The following TFR2 variants were observed in gnomAD, a reference collection of about 807,000 sequenced individuals.
The protein encoded by TFR2 is transferrin receptor protein 2.
A neutral mutation model predicts 91.9 loss-of-function variants in TFR2; 64 were observed. The ratio of observed to expected loss-of-function variants is 0.70; its 90% CI spans 0.57 to 0.86. The LOEUF is 0.86. TFR2 is among the 40% of genes least tolerant of loss of function. The probability of loss-of-function intolerance (pLI) is 0.00; values close to 1 mark genes in which losing one functional copy is unlikely to be tolerated. For synonymous variants in TFR2, 454 were observed against 459.6 expected (o/e 0.99, Z 0.15); for missense variants, 950 against 1,080.5 (o/e 0.88, Z 1.69).
chr7:100,636,680 T>C (rs1803576833), intron 3 of TFR2, among the ~76,000 whole-genome samples: 1 of 152,034 alleles, frequency 6.6e-6, no homozygotes, highest in Non-Finnish European at 1.5e-5. Context: ...CCCCCAGTTA[T>C]CCTCGCTGTA....
At chr7:100,637,990 C>T (rs552849219) in intron 3 of TFR2, among the ~76,000 whole-genome samples, 34 of 151,870 alleles carry the variant, frequency 2.2e-4, no homozygotes, top group African/African-American at 8.0e-4. Context: ...CGCCACTACG[C>T]CCGGCTAATT....
At position 100,633,396 on chromosome 7, in the gene TFR2, C is replaced by T. The variant is rs374165682; in HGVS notation, c.614+20G>A. On this transcript the variant is annotated intron_variant, in intron 4 of 17. Coordinates refer to ENST00000223051, the MANE Select transcript of TFR2 (RefSeq NM_003227.4). ...CCGCGTCCCCCTCCCCGCGCGCCCC[C>T]CGCCCGCGCGCGCACTCACGGATCC... 1.7e-5 allele frequency: 28 copies of T among 1,605,840 alleles called. No individual in the cohort carries two copies. The highest frequency in any genetic ancestry group is 1.3e-4 in the East Asian group (6 of 44,586).
chr7:100,640,691 G>A lies in TFR2; in HGVS notation c.468C>T (p.Thr156=). The A allele has an allele frequency of 6.2e-7, 1 of 1,612,528 alleles. No homozygotes were observed. The highest frequency in any genetic ancestry group is 8.5e-7 in the Non-Finnish European group (1 of 1,179,740). Residue 156 remains threonine (T), a synonymous_variant, in exon 3 of 18, where the codon ACC becomes ACT. Coordinates refer to ENST00000223051, the MANE Select transcript of TFR2 (RefSeq NM_003227.4). Reference sequence around the variant, plus strand: ...TGGGGCAGGGCCATCCCTACCTGATGGTGTCCTCCAGGCGCCCCTCCCCCA... The same window carrying A: ...TGGGGCAGGGCCATCCCTACCTGATAGTGTCCTCCAGGCGCCCCTCCCCCA... ...QFLGEGRLED[T]IRQTSLRERV...
In TFR2 at chr7:100,636,825, C is replaced by T. The variant is rs537229679; in HGVS notation, c.474-3269G>A. Among the ~76,000 whole-genome samples the T allele has an allele frequency of 2.6e-5, 4 of 152,040 alleles. 1 individual carries two copies. In the South Asian group the frequency reaches 8.3e-4, roughly 32 times the overall value. ...TGTTGCCCAGGCTGGAATGCAATGG[C>T]GCGATCTCGGCTCACTGCAACATCC... On this transcript the variant is annotated intron_variant, in intron 3 of 17. Transcript: ENST00000223051.
At chr7:100,632,825 C>A (rs1276888804) in intron 6 of TFR2, 176 bp downstream of exon 6, 34 of 1,017,240 alleles carry the variant, frequency 3.3e-5, no homozygotes, top group Non-Finnish European at 4.8e-5. Flanking sequence ...CCTGTCTTGG[C>A]CTCCTAAAGT....
rs1262813273 is a variant in TFR2, at chr7:100,631,948, G to T, written c.967-3C>A. The T allele has an allele frequency of 1.9e-6, 3 of 1,613,908 alleles. No individual in the cohort carries two copies. The highest frequency in any genetic ancestry group is 3.3e-5 in the Admixed American group (2 of 59,976). On this transcript the variant is annotated splice_region_variant and splice_polypyrimidine_tract_variant and intron_variant, in intron 7 of 17. Transcript: ENST00000223051. ...GGGTCTCCAGTTCCCAGGTGCACCT[G>T]CAGGGAAAGGGGTGCCCACGCAAAG...
At chr7:100,633,826 G>A (rs41303459) in intron 3 of TFR2, among the ~76,000 whole-genome samples, 314 of 145,430 alleles carry the variant, frequency 2.2e-3, no homozygotes, top group East Asian at 0.017. Flanking sequence ...TTCCTGCCTC[G>A]GCCTCCCTCG....
intron 3 of TFR2, among the ~76,000 whole-genome samples, chr7:100,637,121 C>T (rs73156234): frequency 0.17 from 25,632 of 151,984 alleles, 2,433 homozygotes; most frequent in Non-Finnish European, 0.21. Flanking sequence ...CATAAATTGC[C>T]GGGCGCAGTG....
Position 100,632,181 on chromosome 7 carries a change from G to A in TFR2, c.867C>T (p.Asp289=), listed in dbSNP as rs1303532409. The change falls in exon 7 of 18, where the codon GAC becomes GAT. Residue 289 remains aspartate (D), a synonymous_variant. Coordinates refer to ENST00000223051, the MANE Select transcript of TFR2 (RefSeq NM_003227.4). Reference sequence around the variant, plus strand: ...ATATGAGCACTCCTTGAGCCCCGAAGTCCTGAGCATTGGTCACCTGGGGAG... The same window carrying A: ...ATATGAGCACTCCTTGAGCCCCGAAATCCTGAGCATTGGTCACCTGGGGAG... ...SFAQKVTNAQ[D]FGAQGVLIYP... 6 of 1,613,980 alleles carry A rather than the reference G, an allele frequency of 3.7e-6. No individual in the cohort carries two copies. Among genetic ancestry groups the A allele is most frequent in the East Asian group, 2.2e-5 (1 of 44,884 alleles).
chr7:100,626,994 G>C (rs1281704005), intron 16 of TFR2, 91 bp from the exon 17 acceptor site: 2 of 1,446,066 alleles, frequency 1.4e-6, no homozygotes, highest in Non-Finnish European at 1.8e-6. Context: ...GCATGGGGAA[G>C]GGGGCTGGGA....
chr7:100,620,681 G>A lies in TFR2; in HGVS notation c.*176C>T, dbSNP rs938317263. On this transcript the variant is annotated 3_prime_UTR_variant, in exon 18 of 18. Coordinates refer to ENST00000223051, the MANE Select transcript of TFR2 (RefSeq NM_003227.4). ...TAGGGTCAGCTACACTGCAGGGCTG[G>A]GGTGTGTGGATATCTGTGCTGGGGT... 28 of 784,400 alleles carry A rather than the reference G, an allele frequency of 3.6e-5. No individual in the cohort carries two copies. Among genetic ancestry groups the A allele is most frequent in the Non-Finnish European group, 5.8e-5 (28 of 486,830 alleles). The allele number at this position is 784,400 out of a possible 1,614,324, so 48.6% of individuals were successfully genotyped here. A position where few individuals can be genotyped will look rare whatever the true frequency, so the allele number is the denominator to read the frequency against.
At position 100,641,085 on chromosome 7, in the gene TFR2, A is replaced by C; in HGVS notation, c.177T>G (p.Pro59=). 1 of 1,600,228 alleles carries C rather than the reference A, an allele frequency of 6.2e-7. No individual in the cohort carries two copies. The highest frequency in any genetic ancestry group is 8.5e-7 in the Non-Finnish European group (1 of 1,172,688). ...GCCTGGGTCTAGAGCCCAGGGGCTC[A>C]GGGCCCCTCAGCTCCATGGGGCAGA... ...AHFCPMELRG[P]EPLGSRPRQP... The change falls in exon 2 of 18, where the codon CCT becomes CCG. Residue 59 remains proline, a synonymous_variant. Coordinates refer to ENST00000223051, the MANE Select transcript of TFR2 (RefSeq NM_003227.4).
Position 100,625,994 on chromosome 7 carries a change from G to T in TFR2, c.2136+769C>A, listed in dbSNP as rs527374887. 8.5e-5 allele frequency among the ~76,000 whole-genome samples: 13 copies of T among 152,274 alleles called. No individual in the cohort carries two copies. In the South Asian group the frequency reaches 2.7e-3, roughly 32 times the overall value. On this transcript the variant is annotated intron_variant, in intron 17 of 17. Coordinates refer to ENST00000223051, the MANE Select transcript of TFR2 (RefSeq NM_003227.4). ...GGTAGCCATGCTGGCTCTGAAAACC[G>T]TGAGTGTGTGTGCACAAGTGGCTCT...
intron 3 of TFR2, among the ~76,000 whole-genome samples, chr7:100,637,099 C>G (rs1175038877): frequency 6.6e-6 from 1 of 151,942 alleles, no homozygotes; most frequent in African/African-American, 2.4e-5. Context: ...AACCCTGTCC[C>G]TAAAAAAAAT....
chr7:100,633,589 G>T (rs1428793690), intron 3 of TFR2, 33 bp from the exon 4 acceptor site: 6 of 1,582,744 alleles, frequency 3.8e-6, no homozygotes, highest in African/African-American at 2.7e-5. Context: ...TTTTCTGGGC[G>T]CCCGGAGGAG....
Position 100,640,827 on chromosome 7 carries a change from C to G in TFR2, c.332G>C (p.Cys111Ser), listed in dbSNP as rs372888128. ...YVAFRGSCQA[C>S]GDSVLVVSED... is the part of the protein sequence containing the mutation. ...ACTGACCACCAACACAGAGTCTCCG[C>G]ACGCCTGGCAGGACCCTCGGAAGGC... is the stretch of plus-strand genomic sequence containing the variant. The change falls in exon 3 of 18, where the codon TGC becomes TCC. Residue 111 changes from cysteine (C) to serine (S), a missense_variant. Transcript: ENST00000223051. 1.4e-5 allele frequency: 22 copies of G among 1,614,066 alleles called. No individual in the cohort carries two copies. In the African/African-American group the frequency reaches 2.9e-4, roughly 22 times the overall value.
chr7:100,624,871 GA>G (rs1012394311), intron 17 of TFR2, among the ~76,000 whole-genome samples: 65 of 133,330 alleles, frequency 4.9e-4, no homozygotes, highest in African/African-American at 7.4e-4. Context: ...GACCGTCTCA[GA>G]AAAAAAAAAA....
In TFR2 at chr7:100,627,799, C is replaced by T. The variant is rs768819902; in HGVS notation, c.1627G>A (p.Gly543Arg). The change falls in exon 14 of 18, where the codon GGG becomes AGG. Residue 543 changes from glycine to arginine, a missense_variant. Physicochemically the swap from Gly to Arg is moderately radical, Grantham distance 125. Coordinates refer to ENST00000223051, the MANE Select transcript of TFR2 (RefSeq NM_003227.4). ...ACCACCTGTTCATAGAGAGTCTGCC[C>T]ACTGTGGTTGGGAGAATCCACCTGG... ...LKQVDSPNHS[G>R]QTLYEQVVFT... 2.5e-6 allele frequency: 4 copies of T among 1,613,938 alleles called. No individual in the cohort carries two copies. Among genetic ancestry groups the T allele is most frequent in the Admixed American group, 1.7e-5 (1 of 59,978 alleles).
In TFR2 at chr7:100,626,801, C is replaced by T. The variant is rs747870790; in HGVS notation, c.2098G>A (p.Glu700Lys). The T allele has an allele frequency of 2.6e-6, 4 of 1,548,662 alleles. No individual in the cohort carries two copies. The highest frequency in any genetic ancestry group is 3.5e-6 in the Non-Finnish European group (4 of 1,146,918). The change falls in exon 17 of 18, where the codon GAG (glutamate) becomes AAG (lysine). Residue 700 changes from glutamate to lysine, a missense_variant. Coordinates refer to ENST00000223051, the MANE Select transcript of TFR2 (RefSeq NM_003227.4). ...QEIYSSEERD[E>K]RLTRMYNVRI... ...ACGTTGTACATGCGTGTCAGTCGCT[C>T]GTCTCTCTCCTCCGAGCTGTAGATC...
Sources: allele counts gnomAD v4.1 joint callset (sites outside exome capture counted in the v4.1 genomes callset), GRCh38; gene constraint gnomAD v4.1.1; transcripts MANE v1.5; gene names NCBI Gene and HGNC (gene_info 2026-07-23, HGNC 2026-07-21).